The following PROKR2 variants were observed in gnomAD, a reference collection of about 807,000 sequenced individuals.
PROKR2 encodes the protein G protein-coupled receptor 73-like 1.
Under a neutral mutation model 23.4 loss-of-function variants are expected in PROKR2, and 26 were observed. The observed-to-expected ratio is 1.11, with a 90% CI of 0.81 to 1.54. The LOEUF (loss-of-function observed/expected upper bound fraction) is 1.54. Among genes scored for constraint, PROKR2 ranks in the 40% most tolerant of loss-of-function variants. The pLI is 0.00. For missense variants in PROKR2, 453 were observed against 511.5 expected (o/e 0.89, Z 1.10); for synonymous variants, 212 against 201.2 (o/e 1.05, Z -0.45).
intron 2 of PROKR2, among the ~76,000 whole-genome samples, chr20:5,310,701 T>C (rs12106120): frequency 0.51 from 76,465 of 150,544 alleles, 19,781 homozygotes; most frequent in African/African-American, 0.61. Flanking sequence ...CTGTGATCTA[T>C]GCTGGCTCCA....
intron 1 of PROKR2, chr20:5,315,962 C>T (rs747353111): frequency 2.2e-6 from 1 of 456,422 alleles, no homozygotes; most frequent in African/African-American, 2.0e-5. Flanking sequence ...CGGGAGCGAC[C>T]CGTTCCAGCA....
At chr20:5,312,679 T>A (rs954746145) in intron 2 of PROKR2, among the ~76,000 whole-genome samples, 3 of 151,656 alleles carry the variant, frequency 2.0e-5, no homozygotes, top group Non-Finnish European at 4.4e-5. Flanking sequence ...AGGGGAAAAA[T>A]TTAAGAGTTG....
rs533438308 is a variant in PROKR2, at chr20:5,316,239, C to G, written c.-9+255G>C. 41 of 456,646 alleles carry G rather than the reference C, an allele frequency of 9.0e-5. No homozygotes were observed. The highest frequency in any genetic ancestry group is 6.8e-4 in the African/African-American group (34 of 50,174). 28.3% of individuals were successfully genotyped at this position (456,646 alleles called of 1,614,324 possible). ...GGAGCTCGTCCGCGAGCTCAGCTACCCGCTGGCTCCCTCTGCCCGCGCCCG... is the reference window on the plus strand; with the variant it reads ...GGAGCTCGTCCGCGAGCTCAGCTACGCGCTGGCTCCCTCTGCCCGCGCCCG... On this transcript the variant is annotated intron_variant, in intron 1 of 2. Coordinates refer to ENST00000678254, the MANE Select transcript of PROKR2 (RefSeq NM_144773.4). This position sits in a 1 kb window ranked among gnomAD's most constrained non-coding sequence, Gnocchi z 5.0.
At chr20:5,305,707 T>C (rs1288288008) in intron 2 of PROKR2, among the ~76,000 whole-genome samples, 3 of 152,118 alleles carry the variant, frequency 2.0e-5, no homozygotes, top group Non-Finnish European at 4.4e-5. Context: ...AAAGGTTTGG[T>C]AGGTACAGGA....
chr20:5,301,981 G>C lies in PROKR2; in HGVS notation c.*59C>G. The C allele has an allele frequency of 6.8e-7, 1 of 1,481,432 alleles. No individual in the cohort carries two copies. 91.8% of individuals were successfully genotyped at this position (1,481,432 alleles called of 1,614,324 possible). The stretch of plus-strand genomic sequence containing the variant: ...TCCCATGCAGCCTATGAACTTGGTT[G>C]ATGGTGGGTGATGCTCTGAGTACTG... On this transcript the variant is annotated 3_prime_UTR_variant, in exon 3 of 3. Coordinates refer to ENST00000678254, the MANE Select transcript of PROKR2 (RefSeq NM_144773.4).
rs1041273204 is a variant in PROKR2 at position 5,301,328 on chromosome 20, G to C, written c.*712C>G. Among the ~76,000 whole-genome samples, 23 of 152,162 alleles carry C rather than the reference G, an allele frequency of 1.5e-4. No individual in the cohort carries two copies. The highest frequency in any genetic ancestry group is 3.3e-4 in the Admixed American group (5 of 15,276). On this transcript the variant is annotated 3_prime_UTR_variant, in exon 3 of 3. Coordinates refer to ENST00000678254, the MANE Select transcript of PROKR2 (RefSeq NM_144773.4). ...GCTCACTGCAAACTCCAACTCCCAG[G>C]TTCAAGCTATTCTCCTGCTTCAGCC...
intron 2 of PROKR2, among the ~76,000 whole-genome samples, chr20:5,312,586 C>T (rs1438635149): frequency 4.6e-5 from 7 of 152,156 alleles, no homozygotes; most frequent in South Asian, 2.1e-4. Context: ...ATGCTTCCTA[C>T]ACCCGTCTGT....
At chr20:5,313,431 T>TA (rs1365094734) in intron 2 of PROKR2, among the ~76,000 whole-genome samples, 1 of 152,250 alleles carries the variant, frequency 6.6e-6, no homozygotes, top group Non-Finnish European at 1.5e-5. Flanking sequence ...AACTGAACTG[T>TA]AATGATAGAA....
In PROKR2 at chr20:5,314,175, C is replaced by T. The variant is rs996888185; in HGVS notation, c.195G>A (p.Leu65=). The change falls in exon 2 of 3, where the codon CTG becomes CTA. Residue 65 remains leucine (L), a synonymous_variant. Coordinates refer to ENST00000678254, the MANE Select transcript of PROKR2 (RefSeq NM_144773.4). ...VIGIALAGIM[L]VCGIGNFVFI... is the part of the protein sequence containing the mutation. ...AGACAAAGTTACCGATGCCGCAGAC[C>T]AGCATGATGCCTGCCAGTGCAATGC... 5 of 1,614,052 alleles carry T rather than the reference C, an allele frequency of 3.1e-6. No individual in the cohort carries two copies. In the African/African-American group the frequency reaches 6.7e-5, roughly 22 times the overall value.
chr20:5,299,829 TG>T lies in PROKR2; in HGVS notation c.*2210del, dbSNP rs1978922829. ...CTAGAGATGGGGTTTTTGGCCATGT[TG>T]GCCAGGCTGGTCTTGAACTCCTGAC... On this transcript the variant is annotated 3_prime_UTR_variant, in exon 3 of 3. Transcript: ENST00000678254. Among the ~76,000 whole-genome samples the T allele has an allele frequency of 6.6e-6, 1 of 152,098 alleles. No individual in the cohort carries two copies. Among genetic ancestry groups the T allele is most frequent in the Non-Finnish European group, 1.5e-5 (1 of 68,028 alleles).
intron 2 of PROKR2, among the ~76,000 whole-genome samples, chr20:5,308,442 A>C (rs1166889376): frequency 6.6e-6 from 1 of 151,992 alleles, no homozygotes; most frequent in Non-Finnish European, 1.5e-5. Flanking sequence ...TAACTAGCCC[A>C]ACCCATCCCT....
Position 5,302,443 on chromosome 20 carries a change from C to T in PROKR2, c.752G>A (p.Trp251Ter). Reference sequence around the variant, plus strand: ...CTGGAACCCAGGGACTGCCTTGAACCAGAGCTCCCGGGAGATCCTGGCATA... The same window carrying T: ...CTGGAACCCAGGGACTGCCTTGAACTAGAGCTCCCGGGAGATCCTGGCATA... ...LCYARISREL[W>*]FKAVPGFQTE... The change falls in exon 3 of 3, where the codon TGG (tryptophan) becomes TAG (stop). Residue 251 changes from tryptophan to a stop codon, truncating the protein, a stop_gained. Transcript: ENST00000678254. LOFTEE classifies it high-confidence loss of function. 1.2e-6 allele frequency: 2 copies of T among 1,614,200 alleles called. No homozygotes were observed. The highest frequency in any genetic ancestry group is 1.7e-6 in the Non-Finnish European group (2 of 1,180,036).
chr20:5,306,166 T>G (rs1979209470), intron 2 of PROKR2, among the ~76,000 whole-genome samples: 3 of 152,166 alleles, frequency 2.0e-5, no homozygotes, highest in Admixed American at 2.0e-4. Context: ...AATAGAACAA[T>G]GGCCACTAAG....
At chr20:5,307,179 AC>A (rs1401984698) in intron 2 of PROKR2, among the ~76,000 whole-genome samples, 4 of 152,142 alleles carry the variant, frequency 2.6e-5, no homozygotes. Context: ...GAACACAGCC[AC>A]CCACCTGGGG....
rs538686598 is a variant in PROKR2, at chr20:5,308,359, G to A, written c.458+5553C>T. Among the ~76,000 whole-genome samples the A allele has an allele frequency of 3.4e-3, 525 of 152,326 alleles. 3 individuals carry two copies. Among genetic ancestry groups the A allele is most frequent in the African/African-American group, 0.012 (495 of 41,586 alleles). ...CCTGGCCCGCCCAGGGCAGAAAACC[G>A]CTTAAAGGCGTTCTTAAACCACAAA... On this transcript the variant is annotated intron_variant, in intron 2 of 2. Coordinates refer to ENST00000678254, the MANE Select transcript of PROKR2 (RefSeq NM_144773.4).
intron 2 of PROKR2, among the ~76,000 whole-genome samples, chr20:5,311,265 G>A (rs1979432363): frequency 6.6e-6 from 1 of 152,224 alleles, no homozygotes; most frequent in South Asian, 2.1e-4. Flanking sequence ...TGAACACATG[G>A]GGTGGGGTGA....
At position 5,302,168 on chromosome 20, in the gene PROKR2, A is replaced by T. The variant is rs774213973; in HGVS notation, c.1027T>A (p.Tyr343Asn). ...TGCAGCAGCATCATCTTCTTGAAGTACTTCATGGTGTTGTTCTTGACCGTC... is the reference window on the plus strand; with the variant it reads ...TGCAGCAGCATCATCTTCTTGAAGTTCTTCATGGTGTTGTTCTTGACCGTC... ...FVTVKNNTMK[Y>N]FKKMMLLHWR... The change falls in exon 3 of 3, where the codon TAC becomes AAC. Residue 343 changes from tyrosine to asparagine, a missense_variant. By Grantham distance (143) the Tyr-to-Asn change is moderately radical (BLOSUM62 -2). Transcript: ENST00000678254. The T allele has an allele frequency of 1.2e-6, 2 of 1,614,188 alleles. No homozygotes were observed.
At chr20:5,315,203 T>G (rs1391236866) in intron 1 of PROKR2, among the ~76,000 whole-genome samples, 1 of 150,696 alleles carries the variant, frequency 6.6e-6, no homozygotes, top group East Asian at 1.9e-4. Flanking sequence ...GGAATTCCCC[T>G]GCTGCTCCCC....
chr20:5,304,913 G>A, intron 2 of PROKR2, among the ~76,000 whole-genome samples: 1 of 152,156 alleles, frequency 6.6e-6, no homozygotes, highest in Non-Finnish European at 1.5e-5. Flanking sequence ...GGTATCGGAG[G>A]TAATCTGCAT....
Sources: gnomAD v4.1 joint callset for allele counts (sites outside exome capture counted in the v4.1 genomes callset) on GRCh38, gnomAD v4.1.1 for gene constraint, Gnocchi (gnomAD v3.1) non-coding constraint, MANE v1.5 for transcripts, NCBI Gene and HGNC (gene_info 2026-07-23, HGNC 2026-07-21) for gene names.